RNF38: variants seen among roughly 807,000 people sequenced by gnomAD.
RNF38 encodes ring finger protein 38.
RNF38 carries 15 observed loss-of-function variants against 67.2 expected under a neutral mutation model. That is an observed-to-expected ratio of 0.22 (90% confidence interval 0.15 to 0.34). RNF38 has a LOEUF of 0.34. Ranked by LOEUF, RNF38 falls within the 10% of genes least tolerant of loss-of-function variation. RNF38 has a pLI of 1.00. For missense variants in RNF38, 524 were observed against 639.9 expected (o/e 0.82, Z 1.95); for synonymous variants, 220 against 218.8 (o/e 1.01, Z -0.05).
chr9:36,446,243 T>C (rs1431475396), intron 1 of RNF38, among the ~76,000 whole-genome samples: 2 of 152,204 alleles, frequency 1.3e-5, no homozygotes, highest in African/African-American at 4.8e-5. Flanking sequence ...TTACACTGAT[T>C]TGTATCACAA....
intron 1 of RNF38, among the ~76,000 whole-genome samples, chr9:36,450,855 G>A (rs539118361): frequency 1.2e-4 from 18 of 152,120 alleles, no homozygotes; most frequent in Admixed American, 2.6e-4. Context: ...TGGAGGTTGC[G>A]GTAAGCCGAG....
At chr9:36,408,346 T>C (rs548261416) in intron 2 of RNF38, among the ~76,000 whole-genome samples, 3 of 150,948 alleles carry the variant, frequency 2.0e-5, no homozygotes, top group Non-Finnish European at 2.9e-5. Context: ...CAAAGCTAAC[T>C]GATCACAGTT....
At chr9:36,340,208 A>T (rs997205912) in intron 11 of RNF38, among the ~76,000 whole-genome samples, 1 of 151,672 alleles carries the variant, frequency 6.6e-6, no homozygotes, top group African/African-American at 2.4e-5. Flanking sequence ...CAAACTCCTG[A>T]CCTCGGGTGA....
intron 6 of RNF38, among the ~76,000 whole-genome samples, chr9:36,354,830 C>G (rs1391358300): frequency 6.6e-6 from 1 of 152,186 alleles, no homozygotes; most frequent in Non-Finnish European, 1.5e-5. Context: ...AGAATAGCAA[C>G]ATGTTATTCA....
At chr9:36,435,623 G>GT (rs777322436) in intron 1 of RNF38, among the ~76,000 whole-genome samples, 37,592 of 141,716 alleles carry the variant, frequency 0.27, 5,006 homozygotes, top group Non-Finnish European at 0.31. Flanking sequence ...GTGAATGGAG[G>GT]TTTTTTTTTT....
At chr9:36,367,126 T>C (rs1835032205) in intron 4 of RNF38, among the ~76,000 whole-genome samples, 1 of 152,202 alleles carries the variant, frequency 6.6e-6, no homozygotes, top group Non-Finnish European at 1.5e-5. Flanking sequence ...TAAATAGTCC[T>C]TGATTTTTGT....
At chr9:36,430,774 ATTC>A (rs1302592425) in intron 1 of RNF38, among the ~76,000 whole-genome samples, 2 of 151,962 alleles carry the variant, frequency 1.3e-5, no homozygotes, top group South Asian at 4.2e-4. Context: ...GCATCTCCTT[ATTC>A]TTCTTGAGGA....
intron 1 of RNF38, among the ~76,000 whole-genome samples, chr9:36,462,371 A>G (rs1839752602): frequency 1.3e-5 from 2 of 152,134 alleles, no homozygotes; most frequent in Admixed American, 6.5e-5. Context: ...TCCTGCTTCA[A>G]TCCTTACCCT....
chr9:36,443,546 A>C (rs147111587), intron 1 of RNF38, among the ~76,000 whole-genome samples: 52 of 152,346 alleles, frequency 3.4e-4, no homozygotes, highest in African/African-American at 1.2e-3. Flanking sequence ...GAAGACTCAA[A>C]TGACAAAATG....
chr9:36,362,251 G>A (rs1261118826), intron 4 of RNF38, among the ~76,000 whole-genome samples: 1 of 151,716 alleles, frequency 6.6e-6, no homozygotes, highest in East Asian at 1.9e-4. Context: ...CCAGCTACTC[G>A]GGAGGCTGAG....
At chr9:36,403,610 C>CA (rs1838111585), upstream of RNF38, among the ~76,000 whole-genome samples, 1 of 152,176 alleles carries the variant, frequency 6.6e-6, no homozygotes, top group Non-Finnish European at 1.5e-5. Flanking sequence ...TGAGTCCCTT[C>CA]AATTTTAAAA....
chr9:36,399,662 A>G (rs569802470), intron 1 of RNF38, among the ~76,000 whole-genome samples: 24 of 152,054 alleles, frequency 1.6e-4, no homozygotes, highest in Admixed American at 2.0e-4. Context: ...TCTGACATCT[A>G]TATGTATGTG....
chr9:36,426,801 A>G (rs2134248805), intron 1 of RNF38, among the ~76,000 whole-genome samples: 1 of 152,296 alleles, frequency 6.6e-6, no homozygotes, highest in Non-Finnish European at 1.5e-5. Flanking sequence ...GAATTTACAG[A>G]CTATGTGAAC....
intron 11 of RNF38, among the ~76,000 whole-genome samples, chr9:36,340,669 GC>G (rs1832767794): frequency 6.6e-6 from 1 of 152,134 alleles, no homozygotes; most frequent in African/African-American, 2.4e-5. Context: ...ACCATTCCTG[GC>G]CCCTTGGCTA....
intron 1 of RNF38, among the ~76,000 whole-genome samples, chr9:36,452,513 T>C (rs1436483095): frequency 6.6e-6 from 1 of 152,090 alleles, no homozygotes; most frequent in East Asian, 1.9e-4. Context: ...ATCCATGTTG[T>C]GGCATGTTAG....
At chr9:36,464,458 C>A (rs1839813654) in intron 1 of RNF38, among the ~76,000 whole-genome samples, 3 of 151,928 alleles carry the variant, frequency 2.0e-5, no homozygotes, top group Admixed American at 2.0e-4. Flanking sequence ...GTAATCCCAG[C>A]TACTCAGGAG....
intron 1 of RNF38, among the ~76,000 whole-genome samples, chr9:36,442,656 A>G (rs1365911228): frequency 1.3e-5 from 2 of 152,082 alleles, no homozygotes; most frequent in African/African-American, 2.4e-5. Flanking sequence ...GGCACGCCCT[A>G]TAGTCCCAGC....
intron 1 of RNF38, among the ~76,000 whole-genome samples, chr9:36,472,379 TCTAACC>T (rs1840017051): frequency 6.6e-6 from 1 of 152,216 alleles, no homozygotes; most frequent in Non-Finnish European, 1.5e-5. Flanking sequence ...ACCAAGCTTC[TCTAACC>T]CATAGCCCAG....
chr9:36,468,991 A>G (rs1839931084), intron 1 of RNF38, among the ~76,000 whole-genome samples: 1 of 152,128 alleles, frequency 6.6e-6, no homozygotes, highest in South Asian at 2.1e-4. Context: ...AGGTGCCTGT[A>G]GTCCCAGCTA....
Sources: allele counts gnomAD v4.1 joint callset (sites outside exome capture counted in the v4.1 genomes callset), GRCh38; gene constraint gnomAD v4.1.1; transcripts MANE v1.5; gene names NCBI Gene and HGNC (gene_info 2026-07-23, HGNC 2026-07-21).